Variants in FAM135B observed in about 807,000 individuals in gnomAD.
FAM135B encodes the protein protein FAM135B.
A neutral mutation model predicts 127.7 loss-of-function variants in FAM135B; 43 were observed. The observed-to-expected ratio is 0.34, with a 90% CI of 0.26 to 0.43. The LOEUF is 0.43. Ranked by LOEUF, FAM135B falls within the 20% of genes least tolerant of loss-of-function variation. The pLI is 1.00. For missense variants in FAM135B, 1,558 were observed against 1,725.6 expected, an observed-to-expected ratio of 0.90 and a Z score of 1.72; for synonymous variants, 670 against 665.1, an observed-to-expected ratio of 1.01 and a Z score of -0.11.
At position 138,403,761 on chromosome 8, in the gene FAM135B, C is replaced by T. The variant is rs140332630; in HGVS notation, c.-19-35759G>A. On this transcript the variant is annotated intron_variant, in intron 1 of 19. Transcript: ENST00000395297. ...CCCATTCCCCTCCCCCAAAGACCTA[C>T]ACCTCAGTGTTCCTCCAGTGTTTCA... Among the ~76,000 whole-genome samples the T allele has an allele frequency of 9.2e-5, 14 of 152,302 alleles. No homozygotes were observed. The East Asian group carries it at 1.7e-3, about 19-fold the overall frequency.
At chr8:138,265,497 C>T (rs1317396744) in intron 4 of FAM135B, among the ~76,000 whole-genome samples, 2 of 152,110 alleles carry the variant, frequency 1.3e-5, no homozygotes, top group Non-Finnish European at 2.9e-5. Context: ...GCACTTGAGA[C>T]TACATGGAAC....
chr8:138,390,871 A>G (rs1832530091), intron 1 of FAM135B, among the ~76,000 whole-genome samples: 1 of 152,118 alleles, frequency 6.6e-6, no homozygotes, highest in Non-Finnish European at 1.5e-5. Flanking sequence ...GCAAATTTGC[A>G]ATTTGGAAAC....
chr8:138,267,453 A>G (rs1437596140), intron 3 of FAM135B, among the ~76,000 whole-genome samples: 2 of 152,030 alleles, frequency 1.3e-5, no homozygotes, highest in Non-Finnish European at 2.9e-5. Context: ...CTACCTCTTT[A>G]GTAAGAGAGA....
intron 3 of FAM135B, among the ~76,000 whole-genome samples, chr8:138,267,682 C>A (rs1310883845): frequency 6.6e-6 from 1 of 152,024 alleles, no homozygotes; most frequent in South Asian, 2.1e-4. Flanking sequence ...ATCACAGTCA[C>A]CTCCCAATGC....
rs929174945 is a variant in FAM135B at position 138,151,121 on chromosome 8, G to A, written c.3281+73C>T. ...AGATATCTAAATTTTGAAACAGTAT[G>A]CATGAAATGGAGAAATATGTGGAAA... On this transcript the variant is annotated intron_variant, in intron 13 of 19. Coordinates refer to ENST00000395297, the MANE Select transcript of FAM135B (RefSeq NM_015912.4). The A allele has an allele frequency of 8.0e-6, 9 of 1,131,290 alleles. No individual in the cohort carries two copies. The African/African-American group carries it at 1.3e-4, about 16-fold the overall frequency. The allele number at this position is 1,131,290 out of a possible 1,614,324, so 70.1% of individuals were successfully genotyped here.
intron 13 of FAM135B, among the ~76,000 whole-genome samples, chr8:138,149,136 AAAATAAAT>A (rs148497404): frequency 1.6e-5 from 2 of 127,612 alleles, no homozygotes; most frequent in Admixed American, 7.4e-5. Flanking sequence ...TAATAATAAA[AAAATAAAT>A]AAATAAATAA....
rs1002060603 is a variant in FAM135B at position 138,243,372 on chromosome 8, T to C, written c.543-304A>G. 1.3e-5 allele frequency among the ~76,000 whole-genome samples: 2 copies of C among 152,140 alleles called. No individual in the cohort carries two copies. Among genetic ancestry groups the C allele is most frequent in the Admixed American group, 6.5e-5 (1 of 15,278 alleles). On this transcript the variant is annotated intron_variant, in intron 6 of 19. Coordinates refer to ENST00000395297, the MANE Select transcript of FAM135B (RefSeq NM_015912.4). This position sits in a 1 kb window ranked among gnomAD's most constrained non-coding sequence, Gnocchi z 7.5. ...ACTGAAGCAGAGCTCCAAGCTTATA[T>C]CACTAGAGGGGAAGGTGGCATGGGC...
chr8:138,328,513 G>A (rs1016329221), intron 2 of FAM135B, among the ~76,000 whole-genome samples: 3 of 152,090 alleles, frequency 2.0e-5, no homozygotes, highest in African/African-American at 7.2e-5. Context: ...AATGCGGGAG[G>A]GCAAGTCCTA....
At position 138,151,690 on chromosome 8, in the gene FAM135B, G is replaced by A. The variant is rs371082087; in HGVS notation, c.2785C>T (p.Leu929Phe). 2 of 1,614,078 alleles carry A rather than the reference G, an allele frequency of 1.2e-6. No individual in the cohort carries two copies. The highest frequency in any genetic ancestry group is 2.7e-5 in the African/African-American group (2 of 74,944). ...AATTCAGGCACCTGATGTTGAGAGA[G>A]ACCCTCAACCTCTGAGATGCCACTG... ...SNSGISEVEGLSQHQVPELSC... is the reference protein window; with the variant it reads ...SNSGISEVEGFSQHQVPELSC... Residue 929 changes from leucine (L) to phenylalanine (F), a missense_variant, in exon 13 of 20, where the codon CTC (leucine) becomes TTC (phenylalanine). This residue lies in a region of FAM135B where 923 missense variants were observed against 865.3 expected (regional missense o/e 1.07). Coordinates refer to ENST00000395297, the MANE Select transcript of FAM135B (RefSeq NM_015912.4).
At chr8:138,256,849 C>CTTTGGACAAGAA (rs1049309888) in intron 4 of FAM135B, 90 bp from the exon 5 acceptor site, 13 of 949,358 alleles carry the variant, frequency 1.4e-5, no homozygotes, top group Non-Finnish European at 2.2e-5. Flanking sequence ...AGTAGAGAAA[C>CTTTGGACAAGAA]ACTATCTTGT....
rs764666660 is a variant in FAM135B at position 138,141,262 on chromosome 8, C to T, written c.3726G>A (p.Thr1242=). Residue 1242 remains threonine (T), a synonymous_variant, in exon 17 of 20, where the codon ACG becomes ACA. Coordinates refer to ENST00000395297, the MANE Select transcript of FAM135B (RefSeq NM_015912.4). The surrounding 1 kb of genome is among the most constrained non-coding windows in gnomAD (Gnocchi z 4.7). ...RFRYYLNKLH[T]FLSLSGPHLG... ...GGTGAGGCCCAGAGAGTGACAGGAA[C>T]GTGTGGAGTTTGTTGAGGTAATACC... 1.2e-5 allele frequency: 19 copies of T among 1,614,078 alleles called. No homozygotes were observed. The highest frequency in any genetic ancestry group is 8.8e-5 in the South Asian group (8 of 91,068).
intron 3 of FAM135B, among the ~76,000 whole-genome samples, chr8:138,289,736 G>A (rs549103933): frequency 1.2e-4 from 19 of 152,122 alleles, no homozygotes; most frequent in Non-Finnish European, 1.8e-4. Flanking sequence ...AGCATATTAC[G>A]TTGCCACCCA....
intron 1 of FAM135B, among the ~76,000 whole-genome samples, chr8:138,382,996 G>T (rs1470371913): frequency 1.3e-5 from 2 of 152,186 alleles, no homozygotes; most frequent in Non-Finnish European, 2.9e-5. Context: ...GTCTGGCCTG[G>T]ACATATCCAC....
chr8:138,309,043 G>C (rs1282708132), intron 3 of FAM135B: 2 of 445,286 alleles, frequency 4.5e-6, no homozygotes, highest in Admixed American at 2.6e-5. Context: ...CTGTGAAATA[G>C]AAAGTGTCCT....
At chr8:138,228,862 G>A (rs1241694685) in intron 7 of FAM135B, among the ~76,000 whole-genome samples, 2 of 152,204 alleles carry the variant, frequency 1.3e-5, no homozygotes, top group Non-Finnish European at 2.9e-5. Flanking sequence ...TGCAGCATCT[G>A]TTCTTCCTGG....
At chr8:138,457,870 G>T (rs1033256154) in intron 1 of FAM135B, among the ~76,000 whole-genome samples, 1 of 151,674 alleles carries the variant, frequency 6.6e-6, no homozygotes. Context: ...TCAGCTACTC[G>T]AGAGGCTGCG....
intron 2 of FAM135B, among the ~76,000 whole-genome samples, chr8:138,345,347 T>A (rs1829337791): frequency 6.6e-6 from 1 of 152,134 alleles, no homozygotes; most frequent in Non-Finnish European, 1.5e-5. Flanking sequence ...ATAAGTGACA[T>A]CTGAGCAGAG....
chr8:138,414,119 C>CATATATATATATATATAT (rs60918986), intron 1 of FAM135B, among the ~76,000 whole-genome samples: 5,121 of 124,056 alleles, frequency 0.041, 194 homozygotes, highest in Non-Finnish European at 0.05. Flanking sequence ...CACACAAATA[C>CATATATATATATATATAT]ATATATATAT....
intron 1 of FAM135B, among the ~76,000 whole-genome samples, chr8:138,377,019 A>C (rs1831521302): frequency 6.6e-6 from 1 of 152,214 alleles, no homozygotes; most frequent in Non-Finnish European, 1.5e-5. Context: ...GCCTCTGAGA[A>C]TGTTGGATAA....
Sources: gnomAD v4.1 joint callset for allele counts (sites outside exome capture counted in the v4.1 genomes callset) on GRCh38, gnomAD v4.1.1 for gene constraint, gnomAD v4.1.1 regional missense constraint, Gnocchi (gnomAD v3.1) non-coding constraint, MANE v1.5 for transcripts, NCBI Gene and HGNC (gene_info 2026-07-23, HGNC 2026-07-21) for gene names.